SPATA16: variants seen among roughly 807,000 people sequenced by gnomAD.
SPATA16 encodes spermatogenesis associated 16.
SPATA16 carries 36 observed loss-of-function variants against 63.3 expected under a neutral mutation model. The ratio of observed to expected loss-of-function variants is 0.57; its 90% CI spans 0.44 to 0.75. SPATA16 has a LOEUF of 0.75. Among genes scored for constraint, SPATA16 ranks in the 30% least tolerant of loss-of-function variants. SPATA16 has a pLI of 0.00. For missense variants in SPATA16, 646 were observed against 679.3 expected (o/e 0.95, Z 0.54); for synonymous variants, 203 against 216.7 (o/e 0.94, Z 0.56).
intron 1 of SPATA16, among the ~76,000 whole-genome samples, chr3:173,139,839 G>T (rs534087148): frequency 4.4e-4 from 67 of 152,268 alleles, no homozygotes; most frequent in Admixed American, 7.8e-4. Flanking sequence ...TACAAAATTA[G>T]CTGGGTGTGG....
At chr3:173,009,597 G>T (rs898424985) in intron 4 of SPATA16, among the ~76,000 whole-genome samples, 1 of 152,208 alleles carries the variant, frequency 6.6e-6, no homozygotes, top group Non-Finnish European at 1.5e-5. Flanking sequence ...AGGCTCTTTC[G>T]CATGCCCTTA....
At chr3:172,951,689 G>A (rs899118371) in intron 6 of SPATA16, among the ~76,000 whole-genome samples, 1 of 152,154 alleles carries the variant, frequency 6.6e-6, no homozygotes, top group African/African-American at 2.4e-5. Flanking sequence ...ACCTCTGCCA[G>A]CTTGTGCTGG....
chr3:172,963,963 CCTT>C (rs1225939566), intron 5 of SPATA16, among the ~76,000 whole-genome samples: 15 of 151,978 alleles, frequency 9.9e-5, no homozygotes, highest in African/African-American at 2.9e-4. Context: ...GTTTTGATTC[CCTT>C]CTTCTTTTTT....
At chr3:173,138,388 GA>G (rs1738609361) in intron 1 of SPATA16, among the ~76,000 whole-genome samples, 1 of 152,098 alleles carries the variant, frequency 6.6e-6, no homozygotes, top group South Asian at 2.1e-4. Context: ...GGTCCCTAAA[GA>G]AAAGTGAGGC....
chr3:172,916,156 A>G (rs941679623), intron 9 of SPATA16, among the ~76,000 whole-genome samples, 161 bp downstream of exon 9: 4 of 151,622 alleles, frequency 2.6e-5, no homozygotes, highest in African/African-American at 9.7e-5. Context: ...ACCTTCCTAC[A>G]TTTTTCAGTT....
intron 4 of SPATA16, among the ~76,000 whole-genome samples, chr3:172,977,809 A>T (rs1177241664): frequency 6.6e-6 from 1 of 152,178 alleles, no homozygotes; most frequent in East Asian, 1.9e-4. Flanking sequence ...CACGTTAGCC[A>T]ATTAAACATA....
chr3:172,965,983 T>C (rs1179110740), intron 5 of SPATA16, among the ~76,000 whole-genome samples: 2 of 152,202 alleles, frequency 1.3e-5, no homozygotes, highest in Non-Finnish European at 2.9e-5. Context: ...AGGATAATTT[T>C]ATGGGGCAGG....
intron 3 of SPATA16, among the ~76,000 whole-genome samples, chr3:173,028,009 C>CCCTT (rs1436444629): frequency 2.3e-5 from 1 of 43,304 alleles, no homozygotes; most frequent in Non-Finnish European, 3.7e-5. Context: ...CTCCCTCCCT[C>CCCTT]CCTCCCTTCC....
intron 3 of SPATA16, among the ~76,000 whole-genome samples, chr3:173,025,161 C>T (rs1735424708): frequency 6.6e-6 from 1 of 151,020 alleles, no homozygotes; most frequent in Non-Finnish European, 1.5e-5. Context: ...ATAAATGGTT[C>T]AGTGTTGAAA....
chr3:172,946,847 A>G (rs1733301710), intron 6 of SPATA16, among the ~76,000 whole-genome samples: 1 of 152,132 alleles, frequency 6.6e-6, no homozygotes, highest in Non-Finnish European at 1.5e-5. Context: ...TTGAGTGAAT[A>G]TAGGTGGTAG....
intron 3 of SPATA16, among the ~76,000 whole-genome samples, chr3:173,045,405 G>A (rs1001607837): frequency 7.2e-5 from 11 of 152,080 alleles, no homozygotes; most frequent in Admixed American, 3.3e-4. Context: ...CCTGAAAGCC[G>A]TTGCCTCTTA....
chr3:172,962,745 A>G (rs932250718), intron 5 of SPATA16, among the ~76,000 whole-genome samples: 2 of 152,060 alleles, frequency 1.3e-5, no homozygotes, highest in Non-Finnish European at 2.9e-5. Flanking sequence ...AAGCAGTACT[A>G]TACTTGCAAG....
chr3:173,050,569 T>C (rs1370099002), intron 2 of SPATA16, among the ~76,000 whole-genome samples: 1 of 152,026 alleles, frequency 6.6e-6, no homozygotes, highest in East Asian at 1.9e-4. Context: ...CTTGCCTATT[T>C]CTATTGACAT....
At position 173,118,218 on chromosome 3, in the gene SPATA16, C is replaced by T. The variant is rs75815583; in HGVS notation, c.-18-469G>A. Among the ~76,000 whole-genome samples, 1,186 of 152,298 alleles carry T rather than the reference C, an allele frequency of 7.8e-3. 23 individuals are homozygous for T. Among genetic ancestry groups the T allele is most frequent in the African/African-American group, 0.027 (1,124 of 41,572 alleles). ...AACCCCAGCTGCTTCCTCTGAAAAGCTTCCAAAAATGTGAGCACAATCTTT... is the reference window on the plus strand; with the variant it reads ...AACCCCAGCTGCTTCCTCTGAAAAGTTTCCAAAAATGTGAGCACAATCTTT... On this transcript the variant is annotated intron_variant, in intron 1 of 10. Transcript: ENST00000351008.
chr3:173,054,419 T>A (rs866303399), intron 2 of SPATA16, among the ~76,000 whole-genome samples: 33 of 152,042 alleles, frequency 2.2e-4, no homozygotes, highest in Admixed American at 2.6e-4. Flanking sequence ...ATAAAGAAAA[T>A]GTGATACATA....
At chr3:172,928,415 G>A (rs915469639) in intron 6 of SPATA16, among the ~76,000 whole-genome samples, 2 of 152,174 alleles carry the variant, frequency 1.3e-5, no homozygotes, top group East Asian at 3.8e-4. Context: ...ATTAGCAAGG[G>A]GAGAGCTTAC....
intron 2 of SPATA16, among the ~76,000 whole-genome samples, chr3:173,062,508 T>A (rs959701135): frequency 1.3e-5 from 2 of 152,212 alleles, no homozygotes; most frequent in Non-Finnish European, 1.5e-5. Flanking sequence ...TCCCATTAAA[T>A]ATATACACGG....
chr3:173,069,317 C>T (rs1033658841), intron 2 of SPATA16, among the ~76,000 whole-genome samples: 2 of 147,590 alleles, frequency 1.4e-5, no homozygotes, highest in Non-Finnish European at 3.0e-5. Context: ...TAACTGATAG[C>T]ACAGAAATTC....
intron 2 of SPATA16, among the ~76,000 whole-genome samples, chr3:173,079,558 C>A (rs1241228364): frequency 6.6e-6 from 1 of 152,050 alleles, no homozygotes; most frequent in Non-Finnish European, 1.5e-5. Context: ...TTTATCTCCC[C>A]CGTAAGATTT....
Sources: gnomAD v4.1 joint callset for allele counts (sites outside exome capture counted in the v4.1 genomes callset) on GRCh38, gnomAD v4.1.1 for gene constraint, MANE v1.5 for transcripts, NCBI Gene and HGNC (gene_info 2026-07-23, HGNC 2026-07-21) for gene names.